FRMPD3: variants seen among roughly 807,000 people sequenced by gnomAD.
FRMPD3 encodes FERM and PDZ domain-containing protein 3.
Under a neutral mutation model 97.9 loss-of-function variants are expected in FRMPD3, and 42 were observed. That is an observed-to-expected ratio of 0.43 (90% confidence interval 0.34 to 0.55). The LOEUF (loss-of-function observed/expected upper bound fraction) is 0.55, where lower values mean the gene tolerates loss of function less well. Among genes scored for constraint, FRMPD3 ranks in the 20% least tolerant of loss-of-function variants. FRMPD3 has a pLI of 0.03. For missense variants in FRMPD3, 1,303 were observed against 1,457.7 expected (o/e 0.89, Z 1.73); for synonymous variants, 577 against 581.1 (o/e 0.99, Z 0.10).
At chrX:107,552,675 G>A (rs1221819032) in intron 6 of FRMPD3, 120 bp from the exon 7 acceptor site, 2 of 797,584 alleles carry the variant, frequency 2.5e-6, no homozygotes, top group African/African-American at 4.2e-5. Context: ...CAGTGTTGCA[G>A]CCTTCTCCCC....
chrX:107,566,325 C>A (rs1340316812), intron 12 of FRMPD3, among the ~76,000 whole-genome samples: 1 of 112,896 alleles, frequency 8.9e-6, no homozygotes, highest in African/African-American at 3.2e-5. Context: ...TTATTTTTGT[C>A]TTTGTGAAAC....
At chrX:107,501,967 G>A (rs926911284) in intron 1 of FRMPD3, among the ~76,000 whole-genome samples, 1 of 110,561 alleles carries the variant, frequency 9.0e-6, no homozygotes, top group Non-Finnish European at 1.9e-5. Context: ...TATAAGAAGT[G>A]TTTTCAAAAG....
At chrX:107,451,741 T>C (rs778494184) in intron 1 of FRMPD3, among the ~76,000 whole-genome samples, 1 of 112,555 alleles carries the variant, frequency 8.9e-6, no homozygotes, top group East Asian at 2.8e-4. Flanking sequence ...CCTTAGCAGC[T>C]TGTCATGAAG....
chrX:107,498,100 C>T (rs1311550327), intron 1 of FRMPD3, among the ~76,000 whole-genome samples: 2 of 112,750 alleles, frequency 1.8e-5, no homozygotes, highest in Non-Finnish European at 3.7e-5. Flanking sequence ...GAGACATTAG[C>T]TCTTTCTGAA....
Position 107,600,470 on chromosome X carries a change from C to G in FRMPD3, c.2431C>G (p.Arg811Gly), listed in dbSNP as rs542524568. Reference sequence around the variant, plus strand: ...CCTCAACAAGGACAGCCTCCTTGCCCGCAAGGACCTGCCCTTCCGGATCCA... The same window carrying G: ...CCTCAACAAGGACAGCCTCCTTGCCGGCAAGGACCTGCCCTTCCGGATCCA... ...QHLNKDSLLA[R>G]KDLPFRIQSC... Residue 811 changes from arginine (R) to glycine (G), a missense_variant, in exon 15 of 15, where the codon CGC becomes GGC. This residue lies in a region of FRMPD3 where 764 missense variants were observed against 820.2 expected (regional missense o/e 0.93). Transcript: ENST00000683843. 3 of 1,210,518 alleles carry G rather than the reference C, an allele frequency of 2.5e-6. No homozygotes were observed. Among genetic ancestry groups the G allele is most frequent in the Non-Finnish European group, 1.1e-6 (1 of 895,066 alleles).
intron 13 of FRMPD3, 116 bp downstream of exon 13, chrX:107,576,575 G>A: frequency 2.4e-6 from 2 of 832,740 alleles, no homozygotes; most frequent in Non-Finnish European, 3.4e-6. Flanking sequence ...TGCCTGATTT[G>A]CCAGGAGCCA....
rs1374335715 is a variant in FRMPD3 at position 107,560,757 on chromosome X, C to A, written c.930C>A (p.Pro310=). ...EKEWGLEPFL[P]PSLLQVIKEK... Reference sequence around the variant, plus strand: ...AGTGGGGCCTGGAACCCTTTCTTCCCCCCTCCCTCCTGCAGGTCATCAAAG... The same window carrying A: ...AGTGGGGCCTGGAACCCTTTCTTCCACCCTCCCTCCTGCAGGTCATCAAAG... The change falls in exon 10 of 15, where the codon CCC becomes CCA. Residue 310 remains proline, a synonymous_variant. Transcript: ENST00000683843. The A allele has an allele frequency of 8.6e-7, 1 of 1,168,703 alleles. No individual in the cohort carries two copies. The highest frequency in any genetic ancestry group is 3.2e-5 in the East Asian group (1 of 30,980).
At chrX:107,546,596 C>T (rs1454628327) in intron 5 of FRMPD3, among the ~76,000 whole-genome samples, 1 of 112,240 alleles carries the variant, frequency 8.9e-6, no homozygotes, top group Non-Finnish European at 1.9e-5. Flanking sequence ...CTGTCGGCTC[C>T]AGATGTGCAA....
chrX:107,490,215 C>G (rs1442006076), intron 1 of FRMPD3, among the ~76,000 whole-genome samples: 2 of 112,088 alleles, frequency 1.8e-5, no homozygotes, highest in South Asian at 3.8e-4. Context: ...TTTGGTAGCA[C>G]TACCATGCTG....
intron 1 of FRMPD3, among the ~76,000 whole-genome samples, chrX:107,481,380 G>T (rs1336357715): frequency 8.9e-6 from 1 of 112,140 alleles, no homozygotes; most frequent in Non-Finnish European, 1.9e-5. Context: ...ACTGTAATTT[G>T]TAGGGATCCC....
chrX:107,496,786 T>C (rs1485845877), intron 1 of FRMPD3, among the ~76,000 whole-genome samples: 1 of 111,840 alleles, frequency 8.9e-6, no homozygotes, highest in Non-Finnish European at 1.9e-5. Flanking sequence ...AGCTGTTCTA[T>C]GGGGCTGCAG....
chrX:107,600,285 C>T lies in FRMPD3; in HGVS notation c.2264-18C>T. The T allele has an allele frequency of 8.4e-7, 1 of 1,191,167 alleles. No individual in the cohort carries two copies. Among genetic ancestry groups the T allele is most frequent in the Non-Finnish European group, 1.1e-6 (1 of 884,034 alleles). ...TTGATTTCAGTAAGCATAACAAGCC[C>T]TATCCCTGTTCCTCCAGGTCTGATT... On this transcript the variant is annotated intron_variant, in intron 14 of 14. Transcript: ENST00000683843.
chrX:107,559,721 G>A (rs940482906), intron 8 of FRMPD3, among the ~76,000 whole-genome samples: 2 of 110,956 alleles, frequency 1.8e-5, no homozygotes, highest in African/African-American at 6.6e-5. Flanking sequence ...GGATAGCATA[G>A]GGAAGATTGA....
At chrX:107,532,258 T>C (rs1171812052) in intron 3 of FRMPD3, among the ~76,000 whole-genome samples, 1 of 112,197 alleles carries the variant, frequency 8.9e-6, no homozygotes, top group Non-Finnish European at 1.9e-5. Flanking sequence ...ATTGAAAAGG[T>C]GACATTTGAA....
chrX:107,571,087 G>A (rs1417487801), intron 12 of FRMPD3, among the ~76,000 whole-genome samples: 1 of 111,717 alleles, frequency 9.0e-6, no homozygotes, highest in Non-Finnish European at 1.9e-5. Context: ...GCATACCTGG[G>A]CCATTACCAT....
chrX:107,602,126 C>G lies in FRMPD3; in HGVS notation c.4087C>G (p.Arg1363Gly). Residue 1363 changes from arginine to glycine, a missense_variant, in exon 15 of 15, where the codon CGA becomes GGA. By Grantham distance (125) the Arg-to-Gly change is moderately radical (BLOSUM62 -2). This residue lies in a region of FRMPD3 where 764 missense variants were observed against 820.2 expected (regional missense o/e 0.93). Coordinates refer to ENST00000683843, the MANE Select transcript of FRMPD3 (RefSeq NM_001388459.1). Reference protein sequence around the residue: ...RSTSLESRECRSDPESGVSCL... With the variant: ...RSTSLESRECGSDPESGVSCL... The stretch of plus-strand genomic sequence containing the variant: ...TACCAGCCTGGAGTCCCGAGAGTGC[C>G]GATCGGACCCTGAGAGTGGTGTTTC... 1 of 1,210,488 alleles carries G rather than the reference C, an allele frequency of 8.3e-7. No individual in the cohort carries two copies. Among genetic ancestry groups the G allele is most frequent in the Middle Eastern group, 2.3e-4 (1 of 4,355 alleles).
At chrX:107,490,078 T>C (rs924368696) in intron 1 of FRMPD3, among the ~76,000 whole-genome samples, 9 of 112,291 alleles carry the variant, frequency 8.0e-5, no homozygotes, top group African/African-American at 2.3e-4. Context: ...TTCCCAGCAC[T>C]GTTTATTAAA....
At chrX:107,581,918 T>G (rs777656909) in intron 13 of FRMPD3, among the ~76,000 whole-genome samples, 17 of 111,654 alleles carry the variant, frequency 1.5e-4, no homozygotes, top group Non-Finnish European at 2.4e-4. Context: ...TAGACATTTG[T>G]TTTTTTCCCA....
intron 1 of FRMPD3, among the ~76,000 whole-genome samples, chrX:107,510,838 T>C (rs755217828): frequency 4.5e-5 from 5 of 112,151 alleles, no homozygotes; most frequent in African/African-American, 9.7e-5. Flanking sequence ...CTTTTTGGCC[T>C]AATTTTTGCC....
Sources: gnomAD v4.1 joint callset for allele counts (sites outside exome capture counted in the v4.1 genomes callset) on GRCh38, gnomAD v4.1.1 for gene constraint, gnomAD v4.1.1 regional missense constraint, MANE v1.5 for transcripts, NCBI Gene and HGNC (gene_info 2026-07-23, HGNC 2026-07-21) for gene names.